The following ACSL6 variants were observed in gnomAD, a reference collection of about 807,000 sequenced individuals.
ACSL6 encodes the protein long-chain-fatty-acid--CoA ligase 6.
In ACSL6, 47 loss-of-function variants were observed where a neutral mutation model predicts 98.2. The ratio of observed to expected loss-of-function variants is 0.48; its 90% CI spans 0.38 to 0.61. The LOEUF is 0.61. Ranked by LOEUF, ACSL6 falls within the 20% of genes least tolerant of loss-of-function variation. The pLI, the probability that ACSL6 is intolerant of heterozygous loss-of-function variation, is 0.00. For missense variants in ACSL6, 761 were observed against 913.4 expected (o/e 0.83, Z 2.15); for synonymous variants, 362 against 336.9 (o/e 1.07, Z -0.82).
intron 1 of ACSL6, among the ~76,000 whole-genome samples, chr5:131,998,796 T>C (rs1434188534): frequency 6.6e-6 from 1 of 152,196 alleles, no homozygotes; most frequent in African/African-American, 2.4e-5. Flanking sequence ...TTTCCTGATA[T>C]GTAGATAGGA....
intron 2 of ACSL6, among the ~76,000 whole-genome samples, 160 bp from the exon 3 acceptor site, chr5:131,991,127 A>G (rs535565590): frequency 1.7e-4 from 26 of 152,272 alleles, no homozygotes; most frequent in African/African-American, 5.8e-4. Flanking sequence ...GACTACACAC[A>G]CCTGGACTGT....
chr5:131,990,272 A>G (rs1754434394), intron 3 of ACSL6, 108 bp from the exon 4 acceptor site: 1 of 1,126,026 alleles, frequency 8.9e-7, no homozygotes, highest in African/African-American at 1.5e-5. Flanking sequence ...TAGTGTGTCC[A>G]TGGGCCAAGT....
At chr5:131,985,514 C>T in intron 8 of ACSL6, 56 bp from the exon 9 acceptor site, 2 of 1,599,564 alleles carry the variant, frequency 1.3e-6, no homozygotes, top group Non-Finnish European at 1.7e-6. Context: ...CAGCCAGGGC[C>T]CAAGATGCCT....
chr5:132,008,835 G>C (rs1755557692), intron 1 of ACSL6, among the ~76,000 whole-genome samples: 2 of 152,222 alleles, frequency 1.3e-5, no homozygotes, highest in South Asian at 4.1e-4. Flanking sequence ...CCTGCGGCAT[G>C]GGGCTGCCTT....
At chr5:131,954,851 A>G (rs898411220) in intron 20 of ACSL6, among the ~76,000 whole-genome samples, 1 of 152,160 alleles carries the variant, frequency 6.6e-6, no homozygotes, top group Non-Finnish European at 1.5e-5. Flanking sequence ...GTGGGTGGAG[A>G]AGGGCATTAT....
rs1007191045 is a variant in ACSL6 at position 131,994,474 on chromosome 5, A to G, written c.50-223T>C. ...CACCTGACAGTCAGATGTCCTGCCC[A>G]CTTTTCCTGAGAATCATACGCTCAG... On this transcript the variant is annotated intron_variant, in intron 1 of 20. Transcript: ENST00000651883. The G allele has an allele frequency of 1.0e-4, 55 of 551,314 alleles. No individual in the cohort carries two copies. In the African/African-American group the frequency reaches 1.0e-3, roughly 10 times the overall value. The allele number at this position is 551,314 out of a possible 1,614,324, so 34.2% of individuals were successfully genotyped here. A position where few individuals can be genotyped will look rare whatever the true frequency, so the allele number is the denominator to read the frequency against.
At chr5:132,011,733 G>T (rs991851388), upstream of ACSL6, 21 of 1,302,870 alleles carry the variant, frequency 1.6e-5, no homozygotes, top group African/African-American at 2.2e-4. The surrounding 1 kb of genome is among the most constrained non-coding windows in gnomAD (Gnocchi z 5.4). Flanking sequence ...ACGGCTCAAG[G>T]GGGAGGGCGC....
rs1561802978 is a variant in ACSL6, at chr5:131,990,972, A to G, written c.271-5T>C. ...TCGCCGTGCCCCGCCACTGTCCTAC[A>G]AGCCAAGCACCGGCCAGAGAAGTTG... On this transcript the variant is annotated splice_region_variant and splice_polypyrimidine_tract_variant and intron_variant, in intron 2 of 20. Transcript: ENST00000651883. 1 of 1,613,876 alleles carries G rather than the reference A, an allele frequency of 6.2e-7. No individual in the cohort carries two copies.
chr5:131,959,833 G>A (rs1752604697), intron 19 of ACSL6: 5 of 562,742 alleles, frequency 8.9e-6, no homozygotes, highest in South Asian at 6.7e-5. Flanking sequence ...ATGGGCTAAG[G>A]GACCACTCAA....
chr5:131,970,253 A>G, intron 14 of ACSL6, 53 bp from the exon 15 acceptor site: 1 of 1,547,242 alleles, frequency 6.5e-7, no homozygotes, highest in Non-Finnish European at 8.9e-7. Context: ...CCAAGAGCTA[A>G]CTGGCCACCC....
At chr5:131,981,322 T>TAAA (rs56950797) in intron 9 of ACSL6, among the ~76,000 whole-genome samples, 16 of 95,246 alleles carry the variant, frequency 1.7e-4, no homozygotes, top group African/African-American at 4.5e-4. Flanking sequence ...AGTCAACTAT[T>TAAA]AAAAAAAAAA....
chr5:132,011,809 C>A (rs1755753710), upstream of ACSL6: 2 of 1,478,550 alleles, frequency 1.4e-6, no homozygotes, highest in African/African-American at 1.4e-5. This position sits in a 1 kb window ranked among gnomAD's most constrained non-coding sequence, Gnocchi z 5.4. Context: ...CTGGGGCTTG[C>A]CCCGCACTGA....
At chr5:131,966,300 C>T in intron 17 of ACSL6, 116 bp downstream of exon 17, 1 of 965,110 alleles carries the variant, frequency 1.0e-6, no homozygotes, top group Non-Finnish European at 1.6e-6. Context: ...CCCAGAGGTG[C>T]TCCTGAATGA....
At chr5:131,980,074 A>G (rs997272452) in intron 9 of ACSL6, among the ~76,000 whole-genome samples, 2 of 152,144 alleles carry the variant, frequency 1.3e-5, no homozygotes, top group African/African-American at 4.8e-5. Context: ...CTTGAGCTCA[A>G]GGTTTCTCCT....
intron 1 of ACSL6, among the ~76,000 whole-genome samples, chr5:132,002,369 G>T (rs1339666358): frequency 6.6e-6 from 1 of 152,198 alleles, no homozygotes; most frequent in Admixed American, 6.5e-5. Flanking sequence ...CCAGTAAAGG[G>T]CATATGGGCT....
chr5:132,004,948 G>A (rs1755318441), intron 1 of ACSL6, among the ~76,000 whole-genome samples: 1 of 152,130 alleles, frequency 6.6e-6, no homozygotes, highest in South Asian at 2.1e-4. Flanking sequence ...TCAGGAGTTT[G>A]AGAACAGCCT....
intron 2 of ACSL6, among the ~76,000 whole-genome samples, chr5:131,992,589 A>G (rs1754583702): frequency 6.6e-6 from 1 of 152,140 alleles, no homozygotes; most frequent in Non-Finnish European, 1.5e-5. Context: ...TGGCCCCTAC[A>G]CACGAGCCAG....
Position 131,970,046 on chromosome 5 carries a change from T to C in ACSL6, c.1507+82A>G, listed in dbSNP as rs72793259. The C allele has an allele frequency of 2.2e-3, 2,769 of 1,272,946 alleles. 2 individuals are homozygous for C. Among genetic ancestry groups the C allele is most frequent in the Non-Finnish European group, 2.9e-3 (2,557 of 874,706 alleles). The allele number at this position is 1,272,946 out of a possible 1,614,324, so 78.9% of individuals were successfully genotyped here. Reference sequence around the variant, plus strand: ...TTCCTAAGTACCCATGCAAATTTACTTTCCATGAGGGAGTTTTAGAGCTGG... The same window carrying C: ...TTCCTAAGTACCCATGCAAATTTACCTTCCATGAGGGAGTTTTAGAGCTGG... On this transcript the variant is annotated intron_variant, in intron 15 of 20. Transcript: ENST00000651883.
At chr5:131,980,157 T>C (rs1753814932) in intron 9 of ACSL6, among the ~76,000 whole-genome samples, 1 of 152,198 alleles carries the variant, frequency 6.6e-6, no homozygotes, top group Admixed American at 6.5e-5. Context: ...TGTTTCTGCT[T>C]TTAAATACTC....
Sources: allele counts gnomAD v4.1 joint callset (sites outside exome capture counted in the v4.1 genomes callset), GRCh38; gene constraint gnomAD v4.1.1; non-coding constraint Gnocchi (gnomAD v3.1); transcripts MANE v1.5; gene names NCBI Gene and HGNC (gene_info 2026-07-23, HGNC 2026-07-21).